The following FSHR variants were observed in gnomAD, a reference collection of about 807,000 sequenced individuals.
FSHR encodes follicle-stimulating hormone receptor.
Under a neutral mutation model 52.1 loss-of-function variants are expected in FSHR, and 46 were observed. That is an observed-to-expected ratio of 0.88 (90% CI 0.70 to 1.13). The LOEUF is 1.13. Among genes scored for constraint, FSHR ranks in the 50% most tolerant of loss-of-function variants. FSHR has a pLI of 0.00. For synonymous variants in FSHR, 399 were observed against 309.6 expected, an observed-to-expected ratio of 1.29 and a Z score of -3.03; for missense variants, 964 against 834.6, an observed-to-expected ratio of 1.16 and a Z score of -1.91.
intron 9 of FSHR, among the ~76,000 whole-genome samples, chr2:48,967,580 C>T (rs1471170240): frequency 6.6e-6 from 1 of 152,186 alleles, no homozygotes; most frequent in African/African-American, 2.4e-5. Flanking sequence ...GGCTCTTGAG[C>T]TGATCTATGA....
At chr2:49,013,469 T>TATATATATATAAATAA (rs1406677461) in intron 4 of FSHR, among the ~76,000 whole-genome samples, 1 of 129,558 alleles carries the variant, frequency 7.7e-6, no homozygotes, top group African/African-American at 2.8e-5. Flanking sequence ...TATAAATATA[T>TATATATATATAAATAA]ATATATATAT....
chr2:49,065,477 G>C lies in FSHR; in HGVS notation c.224+2742C>G, dbSNP rs142221126. Among the ~76,000 whole-genome samples, 254 of 152,218 alleles carry C rather than the reference G, an allele frequency of 1.7e-3. 2 individuals are homozygous for C. Among genetic ancestry groups the C allele is most frequent in the African/African-American group, 5.8e-3 (240 of 41,558 alleles). ...GATAGAGAATGCACCTGAGTCAAGG[G>C]AGACTGGATTTTCCTTGTTTGGGAA... On this transcript the variant is annotated intron_variant, in intron 2 of 9. Transcript: ENST00000406846.
At chr2:49,063,184 C>T (rs924414052) in intron 2 of FSHR, among the ~76,000 whole-genome samples, 3 of 152,092 alleles carry the variant, frequency 2.0e-5, no homozygotes, top group African/African-American at 7.2e-5. Context: ...AGGATTTGCT[C>T]TGTCTTCTGC....
chr2:49,149,470 G>A (rs1432015048), intron 1 of FSHR, among the ~76,000 whole-genome samples: 5 of 152,052 alleles, frequency 3.3e-5, no homozygotes, highest in Non-Finnish European at 7.4e-5. Flanking sequence ...AATTTATCCT[G>A]ATGGCTGGGG....
At chr2:49,078,821 C>A (rs1320352642) in intron 1 of FSHR, among the ~76,000 whole-genome samples, 1 of 152,112 alleles carries the variant, frequency 6.6e-6, no homozygotes, top group Admixed American at 6.5e-5. Flanking sequence ...GACAATGATG[C>A]TGTTACCTCC....
chr2:49,074,207 G>T (rs1007018081), intron 1 of FSHR, among the ~76,000 whole-genome samples: 15 of 151,948 alleles, frequency 9.9e-5, no homozygotes, highest in African/African-American at 2.4e-4. Context: ...AAACCAAAAA[G>T]CTTCTTCACA....
rs13386744 is a variant in FSHR, at chr2:49,138,576, T to G, written c.152+15690A>C. Among the ~76,000 whole-genome samples the G allele has an allele frequency of 5.0e-3, 758 of 152,200 alleles. 6 individuals carry two copies. The highest frequency in any genetic ancestry group is 0.017 in the African/African-American group (725 of 41,542). ...ATTTGAATTAACCTTGAAAATATTA[T>G]CCTAAGTGAAAGAATACAGTAACAA... On this transcript the variant is annotated intron_variant, in intron 1 of 9. Transcript: ENST00000406846.
At chr2:48,973,401 A>G (rs1274202290) in intron 8 of FSHR, among the ~76,000 whole-genome samples, 1 of 152,234 alleles carries the variant, frequency 6.6e-6, no homozygotes, top group Non-Finnish European at 1.5e-5. Context: ...CTGACATTGC[A>G]TGGATCAGGG....
chr2:49,145,393 T>G (rs1414033255), intron 1 of FSHR, among the ~76,000 whole-genome samples: 3 of 152,104 alleles, frequency 2.0e-5, no homozygotes, highest in African/African-American at 7.2e-5. Context: ...AAACAAGGAT[T>G]TGCTAGCTTT....
chr2:49,119,220 A>C (rs1390424488), intron 1 of FSHR, among the ~76,000 whole-genome samples: 2 of 152,232 alleles, frequency 1.3e-5, no homozygotes, highest in Non-Finnish European at 1.5e-5. Context: ...CCCAAAGGCA[A>C]GAAGCTAGAG....
At chr2:49,072,919 AC>A (rs1280717820) in intron 1 of FSHR, among the ~76,000 whole-genome samples, 1 of 152,138 alleles carries the variant, frequency 6.6e-6, no homozygotes, top group Non-Finnish European at 1.5e-5. Flanking sequence ...GCTTATTTTA[AC>A]CACCAACCTT....
intron 1 of FSHR, among the ~76,000 whole-genome samples, chr2:49,139,688 C>T (rs1260213819): frequency 6.6e-6 from 1 of 151,242 alleles, no homozygotes; most frequent in African/African-American, 2.4e-5. Context: ...AGCTCCGTCT[C>T]CTGGGTTCAC....
intron 2 of FSHR, among the ~76,000 whole-genome samples, chr2:49,041,800 G>GAAAA (rs200712246): frequency 6.9e-6 from 1 of 144,382 alleles, no homozygotes; most frequent in Non-Finnish European, 1.5e-5. Context: ...TTAAAGAAGT[G>GAAAA]AAAAAAAAAA....
intron 1 of FSHR, among the ~76,000 whole-genome samples, chr2:49,143,779 C>T (rs370571283): frequency 5.3e-5 from 8 of 152,014 alleles, no homozygotes; most frequent in African/African-American, 1.2e-4. Context: ...TTTGCAAGCA[C>T]ATTAAAGTTT....
chr2:49,150,717 C>T (rs1266502049), intron 1 of FSHR, among the ~76,000 whole-genome samples: 1 of 152,060 alleles, frequency 6.6e-6, no homozygotes, highest in African/African-American at 2.4e-5. Flanking sequence ...CGTGAGTGAA[C>T]CTGCTCCCCT....
intron 2 of FSHR, among the ~76,000 whole-genome samples, chr2:49,056,298 A>G (rs1669059598): frequency 6.6e-6 from 1 of 151,898 alleles, no homozygotes; most frequent in Non-Finnish European, 1.5e-5. Flanking sequence ...AAAAAAGATA[A>G]TCCTTATAAA....
At chr2:49,077,556 C>T (rs936637921) in intron 1 of FSHR, among the ~76,000 whole-genome samples, 2 of 152,196 alleles carry the variant, frequency 1.3e-5, no homozygotes, top group African/African-American at 4.8e-5. Flanking sequence ...CTGCTTGTTA[C>T]TTACGCAAAT....
chr2:49,011,604 C>T (rs923539566), intron 4 of FSHR, among the ~76,000 whole-genome samples: 1 of 152,042 alleles, frequency 6.6e-6, no homozygotes, highest in Non-Finnish European at 1.5e-5. Context: ...AAATGTCGAT[C>T]ATTTGTCTAA....
chr2:49,002,994 C>T (rs1666959198), intron 4 of FSHR, among the ~76,000 whole-genome samples: 1 of 152,096 alleles, frequency 6.6e-6, no homozygotes, highest in Admixed American at 6.6e-5. Flanking sequence ...TTCAAGCATG[C>T]CAGGCTTTCT....
Sources: gnomAD v4.1 joint callset for allele counts (sites outside exome capture counted in the v4.1 genomes callset) on GRCh38, gnomAD v4.1.1 for gene constraint, MANE v1.5 for transcripts, NCBI Gene and HGNC (gene_info 2026-07-23, HGNC 2026-07-21) for gene names.